Variants in CAP2 observed in about 807,000 individuals in gnomAD.
CAP2 encodes cyclase associated actin cytoskeleton regulatory protein 2.
CAP2 carries 24 observed loss-of-function variants against 57.7 expected under a neutral mutation model. The ratio of observed to expected loss-of-function variants is 0.42; its 90% CI spans 0.30 to 0.58. CAP2 has a LOEUF of 0.58. CAP2 is among the 20% of genes least tolerant of loss of function. The pLI is 0.22. For synonymous variants in CAP2, 194 were observed against 207.2 expected, an observed-to-expected ratio of 0.94 and a Z score of 0.55; for missense variants, 501 against 590.3, an observed-to-expected ratio of 0.85 and a Z score of 1.57.
chr6:17,499,476 G>A (rs955496376), intron 4 of CAP2, among the ~76,000 whole-genome samples: 6 of 151,324 alleles, frequency 4.0e-5, no homozygotes, highest in East Asian at 1.9e-4. Context: ...CCACGACAAC[G>A]TAACTATCCA....
At chr6:17,418,998 A>C (rs1249647014) in intron 1 of CAP2, among the ~76,000 whole-genome samples, 1 of 152,200 alleles carries the variant, frequency 6.6e-6, no homozygotes, top group Non-Finnish European at 1.5e-5. Context: ...TGTGCAGAGA[A>C]CACTGCCCCA....
chr6:17,472,667 C>T (rs1761051085), intron 4 of CAP2, among the ~76,000 whole-genome samples: 1 of 152,150 alleles, frequency 6.6e-6, no homozygotes, highest in Admixed American at 6.5e-5. Flanking sequence ...GTGACGGCTA[C>T]TGCCCGTGCT....
intron 3 of CAP2, among the ~76,000 whole-genome samples, chr6:17,458,636 G>A (rs367659628): frequency 3.3e-5 from 5 of 152,042 alleles, no homozygotes; most frequent in Non-Finnish European, 7.4e-5. Flanking sequence ...TATTGACACG[G>A]GGATGAAATT....
intron 7 of CAP2, among the ~76,000 whole-genome samples, chr6:17,538,773 T>G (rs1762831330): frequency 6.6e-6 from 1 of 152,150 alleles, no homozygotes; most frequent in Non-Finnish European, 1.5e-5. Flanking sequence ...TCCAGAGAGT[T>G]TCTGTATCTC....
At chr6:17,401,523 T>C (rs187454203) in intron 1 of CAP2, among the ~76,000 whole-genome samples, 11 of 152,314 alleles carry the variant, frequency 7.2e-5, no homozygotes, top group Admixed American at 2.0e-4. Context: ...CTGGTATTGC[T>C]ACTCACCCCT....
intron 1 of CAP2, among the ~76,000 whole-genome samples, chr6:17,398,506 A>G (rs1382163640): frequency 1.3e-5 from 2 of 151,544 alleles, no homozygotes; most frequent in Non-Finnish European, 2.9e-5. Flanking sequence ...TTTAAGATAT[A>G]TATAAAATTT....
intron 7 of CAP2, among the ~76,000 whole-genome samples, chr6:17,534,814 A>G (rs888560481): frequency 1.7e-4 from 26 of 151,854 alleles, no homozygotes; most frequent in African/African-American, 6.3e-4. Context: ...AAATGAAATC[A>G]CCCTGAGGGG....
At chr6:17,543,281 T>C in intron 11 of CAP2, 138 bp downstream of exon 11, 1 of 710,698 alleles carries the variant, frequency 1.4e-6, no homozygotes, top group South Asian at 1.7e-5. Flanking sequence ...CCAACCACAC[T>C]GTAAGCTGCG....
chr6:17,543,595 A>C (rs1343865175), intron 11 of CAP2, among the ~76,000 whole-genome samples: 4 of 140,466 alleles, frequency 2.8e-5, no homozygotes, highest in Admixed American at 7.7e-5. Flanking sequence ...ACTGCACTCC[A>C]GCCTGGGCGA....
At chr6:17,449,057 C>T (rs57512529) in intron 3 of CAP2, among the ~76,000 whole-genome samples, 10 of 152,256 alleles carry the variant, frequency 6.6e-5, no homozygotes, top group East Asian at 1.9e-4. Flanking sequence ...CCACAGCGCC[C>T]GGCCTACGTC....
chr6:17,511,965 C>T (rs895941970), intron 6 of CAP2, among the ~76,000 whole-genome samples: 2 of 151,964 alleles, frequency 1.3e-5, no homozygotes, highest in African/African-American at 2.4e-5. Context: ...TAAAAGGGCA[C>T]CATACTCTTA....
At chr6:17,455,831 A>G (rs540490630) in intron 3 of CAP2, among the ~76,000 whole-genome samples, 209 of 152,184 alleles carry the variant, frequency 1.4e-3, no homozygotes, top group South Asian at 4.8e-3. Context: ...CACCGCGCCC[A>G]GCCTAAACTT....
intron 3 of CAP2, among the ~76,000 whole-genome samples, chr6:17,450,126 A>G (rs968878523): frequency 1.3e-5 from 2 of 149,404 alleles, no homozygotes; most frequent in African/African-American, 5.0e-5. Context: ...ATCTCGGCTC[A>G]CTGCAAGCTC....
At chr6:17,530,945 A>G (rs1228542278) in intron 7 of CAP2, 1 of 1,550,754 alleles carries the variant, frequency 6.4e-7, no homozygotes, top group Non-Finnish European at 8.8e-7. Flanking sequence ...TGTTGCCAGC[A>G]TCTCCACCTT....
chr6:17,437,859 C>T (rs1004443470), intron 3 of CAP2, among the ~76,000 whole-genome samples: 9 of 152,030 alleles, frequency 5.9e-5, no homozygotes, highest in Non-Finnish European at 1.0e-4. Flanking sequence ...CCAACCTGGG[C>T]AACAGAGCAC....
chr6:17,443,887 A>G (rs1760166424), intron 3 of CAP2, among the ~76,000 whole-genome samples: 1 of 152,250 alleles, frequency 6.6e-6, no homozygotes, highest in African/African-American at 2.4e-5. Context: ...GTTATAACAT[A>G]TTACACACCA....
chr6:17,438,433 GTT>G (rs773266583), intron 3 of CAP2, among the ~76,000 whole-genome samples: 4 of 58,374 alleles, frequency 6.9e-5, no homozygotes, highest in African/African-American at 1.0e-4. Context: ...ATCCAGAAGT[GTT>G]TTTTTTTTTT....
At chr6:17,465,894 C>T (rs1259839535) in intron 4 of CAP2, among the ~76,000 whole-genome samples, 1 of 152,158 alleles carries the variant, frequency 6.6e-6, no homozygotes, top group South Asian at 2.1e-4. Flanking sequence ...CACAGCGTTC[C>T]CTGGGAAGCC....
chr6:17,540,740 C>G (rs575102286), intron 8 of CAP2, among the ~76,000 whole-genome samples: 2 of 152,082 alleles, frequency 1.3e-5, no homozygotes, highest in African/African-American at 4.8e-5. Context: ...GGTGACAGAG[C>G]GAGACTCCAT....
Sources: allele counts gnomAD v4.1 joint callset (sites outside exome capture counted in the v4.1 genomes callset), GRCh38; gene constraint gnomAD v4.1.1; transcripts MANE v1.5; gene names NCBI Gene and HGNC (gene_info 2026-07-23, HGNC 2026-07-21).